Variants in EHD4 observed in about 807,000 individuals in gnomAD.
EHD4 encodes the protein EH domain containing 4.
Under a neutral mutation model 51.0 loss-of-function variants are expected in EHD4, and 37 were observed. That is an observed-to-expected ratio of 0.73 (90% CI 0.56 to 0.95). EHD4 has a LOEUF of 0.95. EHD4 is among the 40% of genes least tolerant of loss of function. EHD4 has a pLI of 0.00. For synonymous variants in EHD4, 297 were observed against 317.3 expected, an observed-to-expected ratio of 0.94 and a Z score of 0.68; for missense variants, 632 against 733.1, an observed-to-expected ratio of 0.86 and a Z score of 1.59.
In EHD4 at chr15:41,970,350, T is replaced by C. The variant is rs1309304600; in HGVS notation, c.236+1909A>G. Among the ~76,000 whole-genome samples, 5 of 152,190 alleles carry C rather than the reference T, an allele frequency of 3.3e-5. No individual in the cohort carries two copies. The East Asian group carries it at 9.6e-4, about 29-fold the overall frequency. On this transcript the variant is annotated intron_variant, in intron 1 of 5. Coordinates refer to ENST00000220325, the MANE Select transcript of EHD4 (RefSeq NM_139265.4). ...AATGGCTTCCTAATAAGGTGATTCC[T>C]CCCTCACCCTAGGGTGGCCCACAGC...
At chr15:41,924,680 C>T (rs887407743) in intron 3 of EHD4, among the ~76,000 whole-genome samples, 6 of 152,120 alleles carry the variant, frequency 3.9e-5, no homozygotes, top group East Asian at 1.9e-4. Context: ...AAACAGGGAG[C>T]GTCTCAGGGT....
At position 41,972,442 on chromosome 15, in the gene EHD4, G is replaced by C. The variant is rs1198843312; in HGVS notation, c.53C>G (p.Ala18Gly). 1 of 1,579,726 alleles carries C rather than the reference G, an allele frequency of 6.3e-7. No homozygotes were observed. Among genetic ancestry groups the C allele is most frequent in the East Asian group, 2.4e-5 (1 of 41,628 alleles). Reference protein sequence around the residue: ...QAGGRERAGGADAVQTVTGGL... With the variant: ...QAGGRERAGGGDAVQTVTGGL... ...GCCCGTCACCGTCTGCACCGCGTCCGCGCCGCCAGCGCGTTCGCGCCCGCC... is the reference window on the plus strand; with the variant it reads ...GCCCGTCACCGTCTGCACCGCGTCCCCGCCGCCAGCGCGTTCGCGCCCGCC... The change falls in exon 1 of 6, where the codon GCG becomes GGG. Residue 18 changes from alanine to glycine, a missense_variant. Ala to Gly is a moderately conservative substitution (Grantham distance 60). Coordinates refer to ENST00000220325, the MANE Select transcript of EHD4 (RefSeq NM_139265.4).
At chr15:41,917,732 C>T (rs1444964848) in intron 4 of EHD4, among the ~76,000 whole-genome samples, 7 of 152,166 alleles carry the variant, frequency 4.6e-5, no homozygotes, top group African/African-American at 1.7e-4. Flanking sequence ...AAAATCATTT[C>T]AGGAGAGCTG....
At chr15:41,942,990 G>T in intron 3 of EHD4, 77 bp downstream of exon 3, 1 of 1,343,586 alleles carries the variant, frequency 7.4e-7, no homozygotes, top group South Asian at 1.3e-5. Context: ...GAATAATATA[G>T]GGACAGAAAT....
intron 4 of EHD4, among the ~76,000 whole-genome samples, chr15:41,911,893 C>A (rs1440241465): frequency 3.3e-5 from 5 of 152,174 alleles, no homozygotes; most frequent in Admixed American, 2.0e-4. Context: ...TCAGGGAGGG[C>A]TTAGTTCCCG....
At chr15:41,911,332 A>G (rs768760882) in intron 4 of EHD4, among the ~76,000 whole-genome samples, 2 of 152,268 alleles carry the variant, frequency 1.3e-5, no homozygotes, top group Non-Finnish European at 2.9e-5. Context: ...AATGAAGACA[A>G]TTGAAATGAT....
chr15:41,951,012 A>G (rs1013321180), intron 2 of EHD4, among the ~76,000 whole-genome samples: 3 of 152,054 alleles, frequency 2.0e-5, no homozygotes, highest in East Asian at 2.0e-4. Context: ...ACTAACCCTA[A>G]CCCTAACCCT....
intron 2 of EHD4, among the ~76,000 whole-genome samples, chr15:41,944,986 G>T (rs1238138512): frequency 2.0e-5 from 3 of 152,182 alleles, no homozygotes; most frequent in Admixed American, 1.3e-4. Flanking sequence ...AGCATTCTTT[G>T]TAAGTTCACA....
At chr15:41,903,937 G>A (rs2067495503) in intron 5 of EHD4, among the ~76,000 whole-genome samples, 1 of 152,126 alleles carries the variant, frequency 6.6e-6, no homozygotes, top group South Asian at 2.1e-4. Context: ...TGTCACTCCT[G>A]ACATCAGCAC....
chr15:41,924,294 G>A (rs913370955), intron 3 of EHD4, among the ~76,000 whole-genome samples: 13 of 152,114 alleles, frequency 8.5e-5, no homozygotes, highest in South Asian at 4.1e-4. Context: ...AGATAGTGGC[G>A]GACAATGTGG....
chr15:41,914,813 T>G (rs1436685952), intron 4 of EHD4, among the ~76,000 whole-genome samples: 1 of 148,148 alleles, frequency 6.8e-6, no homozygotes, highest in Non-Finnish European at 1.5e-5. Context: ...TGAAATGGAG[T>G]CTTGCTTTGT....
In EHD4 at chr15:41,930,605, G is replaced by A. The variant is rs767348218; in HGVS notation, c.512-10983C>T. On this transcript the variant is annotated intron_variant, in intron 3 of 5. Transcript: ENST00000220325. ...TTCTGACCTGAAGACCCCACCCCTC[G>A]CCCTGCCCTGTTCCTCTTTTCAAAC... Among the ~76,000 whole-genome samples the A allele has an allele frequency of 1.3e-3, 205 of 151,998 alleles. 1 individual carries two copies. Among genetic ancestry groups the A allele is most frequent in the Non-Finnish European group, 2.5e-3 (168 of 67,958 alleles).
chr15:41,964,892 C>G (rs1027988561), intron 1 of EHD4, among the ~76,000 whole-genome samples: 5 of 151,980 alleles, frequency 3.3e-5, no homozygotes, highest in African/African-American at 4.8e-5. Context: ...CCACCTCAGC[C>G]TCCCAGGTAA....
intron 4 of EHD4, among the ~76,000 whole-genome samples, chr15:41,913,674 G>T (rs1416987270): frequency 6.9e-6 from 1 of 144,834 alleles, no homozygotes; most frequent in East Asian, 1.9e-4. Context: ...AACAGCTGGA[G>T]GTACAGTAAT....
intron 1 of EHD4, among the ~76,000 whole-genome samples, chr15:41,955,141 C>A (rs2067878825): frequency 6.6e-6 from 1 of 152,064 alleles, no homozygotes; most frequent in Non-Finnish European, 1.5e-5. Context: ...CTGCTAATAG[C>A]ACACGGCATT....
At chr15:41,946,721 G>A (rs1168016737) in intron 2 of EHD4, among the ~76,000 whole-genome samples, 1 of 152,152 alleles carries the variant, frequency 6.6e-6, no homozygotes, top group East Asian at 1.9e-4. Flanking sequence ...GTGAGACCCT[G>A]TCTCAGATAA....
intron 2 of EHD4, among the ~76,000 whole-genome samples, chr15:41,949,589 A>T (rs1462721561): frequency 1.3e-5 from 2 of 152,142 alleles, no homozygotes; most frequent in Non-Finnish European, 2.9e-5. Context: ...AGGGCTGTTC[A>T]CATTCCTTCA....
chr15:41,964,119 T>A (rs1220846435), intron 1 of EHD4, among the ~76,000 whole-genome samples: 1 of 117,902 alleles, frequency 8.5e-6, no homozygotes, highest in Non-Finnish European at 1.6e-5. Flanking sequence ...CACTCCAGCC[T>A]GGGTGACAGA....
chr15:41,943,518 T>C (rs998946542), intron 2 of EHD4, among the ~76,000 whole-genome samples: 2 of 152,252 alleles, frequency 1.3e-5, no homozygotes, highest in African/African-American at 4.8e-5. Flanking sequence ...GATCCTCATA[T>C]TGACCTCATG....
Sources: allele counts gnomAD v4.1 joint callset (sites outside exome capture counted in the v4.1 genomes callset), GRCh38; gene constraint gnomAD v4.1.1; transcripts MANE v1.5; gene names NCBI Gene and HGNC (gene_info 2026-07-23, HGNC 2026-07-21).